MPPED1: variants seen among roughly 807,000 people sequenced by gnomAD.
MPPED1 encodes metallophosphoesterase domain-containing protein 1.
In MPPED1, 16 loss-of-function variants were observed where a neutral mutation model predicts 36.2. The ratio of observed to expected loss-of-function variants is 0.44; its 90% CI spans 0.30 to 0.67. The LOEUF (loss-of-function observed/expected upper bound fraction) is 0.67. Ranked by LOEUF, MPPED1 falls within the 30% of genes least tolerant of loss-of-function variation. The probability of loss-of-function intolerance (pLI) is 0.10; values close to 1 mark genes in which losing one functional copy is unlikely to be tolerated. For missense variants in MPPED1, 307 were observed against 453.4 expected, an observed-to-expected ratio of 0.68 and a Z score of 2.93; for synonymous variants, 199 against 191.3, an observed-to-expected ratio of 1.04 and a Z score of -0.33.
intron 3 of MPPED1, among the ~76,000 whole-genome samples, chr22:43,448,104 G>A (rs890179985): frequency 6.6e-6 from 1 of 151,962 alleles, no homozygotes; most frequent in Non-Finnish European, 1.5e-5. Flanking sequence ...GGTGAGGCTG[G>A]TCTTGAACTC....
At position 43,474,983 on chromosome 22, in the gene MPPED1, T is replaced by TCTCA; in HGVS notation, c.632+23_632+24insTCAC. On this transcript the variant is annotated intron_variant, in intron 4 of 6. Transcript: ENST00000443721. The surrounding 1 kb of genome is among the most constrained non-coding windows in gnomAD (Gnocchi z 5.2). ...CATGGTGAGTGGGCCTGGGTGCTGG[T>TCTCA]CCTGCCTGCTGGTGAGACCAGAGCT... is the stretch of plus-strand genomic sequence containing the variant. The TCTCA allele has an allele frequency of 6.2e-7, 1 of 1,609,988 alleles. No individual in the cohort carries two copies. Among genetic ancestry groups the TCTCA allele is most frequent in the Non-Finnish European group, 8.5e-7 (1 of 1,176,712 alleles).
chr22:43,448,331 G>A (rs1158497772), intron 3 of MPPED1, among the ~76,000 whole-genome samples: 2 of 152,200 alleles, frequency 1.3e-5, no homozygotes, highest in African/African-American at 2.4e-5. Flanking sequence ...TTCAGTTAGT[G>A]TGACTGAGAA....
chr22:43,475,654 TGTG>T (rs374493022), intron 4 of MPPED1, among the ~76,000 whole-genome samples: 14 of 88,476 alleles, frequency 1.6e-4, no homozygotes, highest in African/African-American at 6.5e-4. Flanking sequence ...TGATGATGGT[TGTG>T]GTGGTGATGT....
chr22:43,442,194 C>T (rs1047683388), intron 3 of MPPED1, among the ~76,000 whole-genome samples: 9 of 151,920 alleles, frequency 5.9e-5, no homozygotes, highest in Admixed American at 2.0e-4. Context: ...ACCTTGGATG[C>T]GGATGGGAAG....
In MPPED1 at chr22:43,507,306, G is replaced by C. The variant is rs2146933412; in HGVS notation, c.*1690G>C. ...TGTTCAAAACTGGTGTGAGCTCTGA[G>C]GAGTCCTGAACCCTGGGTGCAGCAT... On this transcript the variant is annotated 3_prime_UTR_variant, in exon 7 of 7. Transcript: ENST00000443721. 6.6e-6 allele frequency: 1 copy of C among 152,316 alleles called. No individual in the cohort carries two copies. Among genetic ancestry groups the C allele is most frequent in the Non-Finnish European group, 1.5e-5 (1 of 68,058 alleles). The allele number at this position is 152,316 out of a possible 1,614,324, so 9.4% of individuals were successfully genotyped here.
At chr22:43,489,108 G>A (rs563533673) in intron 4 of MPPED1, among the ~76,000 whole-genome samples, 1 of 152,254 alleles carries the variant, frequency 6.6e-6, no homozygotes, top group African/African-American at 2.4e-5. Flanking sequence ...CGTGGACTTC[G>A]GGCCTGCCGG....
chr22:43,503,449 G>A (rs149171762), intron 6 of MPPED1, among the ~76,000 whole-genome samples: 2,127 of 152,276 alleles, frequency 0.014, 22 homozygotes, highest in Middle Eastern at 0.037. Flanking sequence ...CTGGACTGAC[G>A]TGGTTTCCCC....
chr22:43,491,602 TGGTGTTGGTGATGGA>T (rs1419346045), intron 4 of MPPED1, among the ~76,000 whole-genome samples: 1 of 148,208 alleles, frequency 6.7e-6, no homozygotes, highest in East Asian at 2.0e-4. Flanking sequence ...GTGGTGATGG[TGGTGTTGGTGATGGA>T]GGTGGTGGTG....
chr22:43,504,757 G>A (rs1460502135), intron 6 of MPPED1, among the ~76,000 whole-genome samples: 2 of 151,654 alleles, frequency 1.3e-5, no homozygotes, highest in Non-Finnish European at 2.9e-5. Context: ...GATGTTGATT[G>A]TGGTAGTGAT....
At chr22:43,485,256 TCA>T (rs758497982) in intron 4 of MPPED1, among the ~76,000 whole-genome samples, 43 of 151,652 alleles carry the variant, frequency 2.8e-4, no homozygotes, top group African/African-American at 4.6e-4. Flanking sequence ...ACACATGCAT[TCA>T]CACACACATC....
intron 2 of MPPED1, 61 bp downstream of exon 2, chr22:43,425,270 G>T: frequency 6.8e-7 from 1 of 1,480,704 alleles, no homozygotes; most frequent in Non-Finnish European, 9.0e-7. Flanking sequence ...TGGGTGCATG[G>T]TCTCGGGTGC....
In MPPED1 at chr22:43,481,953, G is replaced by A. The variant is rs556717806; in HGVS notation, c.632+6992G>A. ...GGGATGAAAGTCTCATTAGGGTGGC[G>A]TGTTTGTGCTGCCCCCTCCCAGGGC... On this transcript the variant is annotated intron_variant, in intron 4 of 6. Coordinates refer to ENST00000443721, the MANE Select transcript of MPPED1 (RefSeq NM_001044370.2). Among the ~76,000 whole-genome samples the A allele has an allele frequency of 5.9e-5, 9 of 152,272 alleles. No individual in the cohort carries two copies. The South Asian group carries it at 1.2e-3, about 21-fold the overall frequency.
chr22:43,502,530 C>A lies in MPPED1; in HGVS notation c.749-114C>A. The A allele has an allele frequency of 1.3e-6, 1 of 763,950 alleles. No homozygotes were observed. The highest frequency in any genetic ancestry group is 2.2e-6 in the Non-Finnish European group (1 of 454,700). 47.3% of individuals were successfully genotyped at this position (763,950 alleles called of 1,614,324 possible). A position where few individuals can be genotyped will look rare whatever the true frequency, so the allele number is the denominator to read the frequency against. On this transcript the variant is annotated intron_variant, in intron 5 of 6. Coordinates refer to ENST00000443721, the MANE Select transcript of MPPED1 (RefSeq NM_001044370.2). This position sits in a 1 kb window ranked among gnomAD's most constrained non-coding sequence, Gnocchi z 5.5. ...TTGCTAGGGGAGAGTGGTGCAAAGCCGGAGTCCGGAAGCCCCATGCCTTCT... is the reference window on the plus strand; with the variant it reads ...TTGCTAGGGGAGAGTGGTGCAAAGCAGGAGTCCGGAAGCCCCATGCCTTCT...
chr22:43,448,118 A>G (rs1288539645), intron 3 of MPPED1, among the ~76,000 whole-genome samples: 2 of 151,892 alleles, frequency 1.3e-5, no homozygotes, highest in South Asian at 2.1e-4. Context: ...TGAACTCTTG[A>G]CCTCAAGTGA....
chr22:43,440,154 T>C (rs574223970), intron 3 of MPPED1, among the ~76,000 whole-genome samples: 1 of 152,362 alleles, frequency 6.6e-6, no homozygotes, highest in East Asian at 1.9e-4. Flanking sequence ...CAGCTGGCCA[T>C]GGTGACCCCA....
intron 3 of MPPED1, among the ~76,000 whole-genome samples, chr22:43,436,069 G>C (rs1038745785): frequency 6.6e-6 from 1 of 152,204 alleles, no homozygotes; most frequent in Admixed American, 6.5e-5. Flanking sequence ...CATGGTGGGT[G>C]ATGACTTATA....
chr22:43,422,702 A>G (rs2146816581), intron 1 of MPPED1, among the ~76,000 whole-genome samples: 1 of 152,262 alleles, frequency 6.6e-6, no homozygotes, highest in South Asian at 2.1e-4. Flanking sequence ...ATATGCAAGG[A>G]TCAAATTGAG....
chr22:43,499,759 AGGTGGC>A (rs1385398318), intron 5 of MPPED1, among the ~76,000 whole-genome samples: 2 of 12,270 alleles, frequency 1.6e-4, no homozygotes, highest in African/African-American at 2.7e-4. Flanking sequence ...ATGGTGATGG[AGGTGGC>A]GGTGGTGATG....
intron 4 of MPPED1, among the ~76,000 whole-genome samples, chr22:43,484,773 G>A (rs1015980745): frequency 1.3e-5 from 2 of 152,170 alleles, no homozygotes; most frequent in African/African-American, 4.8e-5. Context: ...CCCCGCCTGA[G>A]CCTCTCAGGG....
Sources: gnomAD v4.1 joint callset for allele counts (sites outside exome capture counted in the v4.1 genomes callset) on GRCh38, gnomAD v4.1.1 for gene constraint, Gnocchi (gnomAD v3.1) non-coding constraint, MANE v1.5 for transcripts, NCBI Gene and HGNC (gene_info 2026-07-23, HGNC 2026-07-21) for gene names.